The following TP53BP1 variants were observed in gnomAD, a reference collection of about 807,000 sequenced individuals.
TP53BP1 encodes the protein TP53-binding protein 1.
Under a neutral mutation model 200.8 loss-of-function variants are expected in TP53BP1, and 61 were observed. The observed-to-expected ratio is 0.30, with a 90% CI of 0.25 to 0.38. The LOEUF is 0.38. Ranked by LOEUF, TP53BP1 falls within the 10% of genes least tolerant of loss-of-function variation. The pLI is 1.00. For missense variants in TP53BP1, 2,144 were observed against 2,371.9 expected (o/e 0.90, Z 2.00); for synonymous variants, 822 against 844.3 (o/e 0.97, Z 0.46).
intron 19 of TP53BP1, 127 bp from the exon 20 acceptor site, chr15:43,421,301 T>G: frequency 1.0e-6 from 1 of 956,578 alleles, no homozygotes; most frequent in Non-Finnish European, 1.6e-6. Flanking sequence ...AGCAGGAAGC[T>G]GGTTCACACA....
chr15:43,434,994 C>G (rs1013567698), intron 16 of TP53BP1, among the ~76,000 whole-genome samples: 2 of 152,152 alleles, frequency 1.3e-5, no homozygotes, highest in African/African-American at 4.8e-5. Flanking sequence ...GGCACAGTGG[C>G]TCACACCAGT....
chr15:43,469,882 GATAGGA>G lies in TP53BP1; in HGVS notation c.1359_1364del (p.Ile455_Pro456del), dbSNP rs2046681735. On this transcript the variant is annotated inframe_deletion, in exon 11 of 28. Transcript: ENST00000382044. ...CATGAGAAAACTGAGGCTGGGATGG[GATAGGA>G]AGTGACCCAGGAGGGAAGACTGGTG... 1 of 1,585,438 alleles carries G rather than the reference GATAGGA, an allele frequency of 6.3e-7. No homozygotes were observed. The highest frequency in any genetic ancestry group is 1.7e-5 in the Admixed American group (1 of 59,578).
chr15:43,486,340 C>T (rs1446430598), intron 4 of TP53BP1, among the ~76,000 whole-genome samples: 2 of 152,152 alleles, frequency 1.3e-5, no homozygotes, highest in Non-Finnish European at 2.9e-5. Flanking sequence ...CATGCCATTG[C>T]ACTCTGCCTG....
Position 43,406,700 on chromosome 15 carries a change from T to C in TP53BP1, c.*683A>G. 2.7e-6 allele frequency: 1 copy of C among 373,618 alleles called. No homozygotes were observed. Among genetic ancestry groups the C allele is most frequent in the Admixed American group, 3.1e-5 (1 of 31,832 alleles). 23.1% of individuals were successfully genotyped at this position (373,618 alleles called of 1,614,324 possible). A position where few individuals can be genotyped will look rare whatever the true frequency, so the allele number is the denominator to read the frequency against. On this transcript the variant is annotated 3_prime_UTR_variant, in exon 28 of 28. Transcript: ENST00000382044. ...GAACTGCTTCCAGCTATTGTGACAA[T>C]AATAATAATAATAATATTGGGTCTT...
At chr15:43,409,384 G>T (rs1263538547) in intron 25 of TP53BP1, 1 of 557,272 alleles carries the variant, frequency 1.8e-6, no homozygotes, top group Non-Finnish European at 3.2e-6. Context: ...CCTAATAGGG[G>T]TTTCTACTAC....
intron 12 of TP53BP1, among the ~76,000 whole-genome samples, chr15:43,455,625 C>A (rs2046274267): frequency 1.3e-5 from 2 of 151,624 alleles, no homozygotes; most frequent in Non-Finnish European, 2.9e-5. Context: ...GAGGCTGAGG[C>A]ACGAGAAATC....
At position 43,421,904 on chromosome 15, in the gene TP53BP1, G is replaced by A. The variant is rs1235139243; in HGVS notation, c.4051C>T (p.Pro1351Ser). Residue 1351 changes from proline to serine, a missense_variant, in exon 19 of 28, where the codon CCC (proline) becomes TCC (serine). Around this residue, in one of 4 missense-constraint regions of TP53BP1, gnomAD observed 1,700 missense variants for 1,710.3 expected, o/e 0.99. Coordinates refer to ENST00000382044, the MANE Select transcript of TP53BP1 (RefSeq NM_001141980.3). ...GAGCTGGGTAAGGCAAAATCTGCGGGTTCTGTCCCGCTGGTTTTCCCTCTG... is the reference window on the plus strand; with the variant it reads ...GAGCTGGGTAAGGCAAAATCTGCGGATTCTGTCCCGCTGGTTTTCCCTCTG... ...PLRGKTSGTE[P>S]ADFALPSSRG... is the part of the protein sequence containing the mutation. 13 of 1,614,086 alleles carry A rather than the reference G, an allele frequency of 8.1e-6. No individual in the cohort carries two copies. Among genetic ancestry groups the A allele is most frequent in the Non-Finnish European group, 9.3e-6 (11 of 1,180,046 alleles).
At chr15:43,415,304 G>A (rs149804308) in intron 23 of TP53BP1, 604 of 452,306 alleles carry the variant, frequency 1.3e-3, no homozygotes, top group Non-Finnish European at 1.8e-3. Flanking sequence ...GCCTTCCTGG[G>A]TTCAAGCGAT....
Position 43,409,675 on chromosome 15 carries a change from T to C in TP53BP1, c.5372A>G (p.Tyr1791Cys), listed in dbSNP as rs746921977. 12 of 1,572,750 alleles carry C rather than the reference T, an allele frequency of 7.6e-6. No individual in the cohort carries two copies. The highest frequency in any genetic ancestry group is 1.2e-5 in the South Asian group (1 of 83,244). The change falls in exon 25 of 28, where the codon TAT (tyrosine) becomes TGT (cysteine). Residue 1791 changes from tyrosine (Y) to cysteine (C), a missense_variant. Tyr to Cys is a radical substitution (Grantham distance 194). Around this residue, in one of 4 missense-constraint regions of TP53BP1, gnomAD observed 334 missense variants for 453.4 expected, o/e 0.74. Transcript: ENST00000382044. ...GGCTTCATTGAAATCTTCAAGGATA[T>C]AGCCAGCTCCTGCTCGAAGCTGGGA... ...TESQLRAGAG[Y>C]ILEDFNEAQC...
Position 43,421,877 on chromosome 15 carries a change from G to A in TP53BP1, c.4078C>T (p.Arg1360Ter), listed in dbSNP as rs773155828. 2 of 1,614,142 alleles carry A rather than the reference G, an allele frequency of 1.2e-6. No homozygotes were observed. Among genetic ancestry groups the A allele is most frequent in the African/African-American group, 1.3e-5 (1 of 75,032 alleles). The change falls in exon 19 of 28, where the codon CGA becomes TGA. Residue 1360 changes from arginine to a stop codon, truncating the protein, a stop_gained. Coordinates refer to ENST00000382044, the MANE Select transcript of TP53BP1 (RefSeq NM_001141980.3). LOFTEE classifies it high-confidence loss of function. ...EPADFALPSS[R>*]GGPGKLSPRK... ...CACCTCAGTTTTCCTGGGCCTCCTC[G>A]GGAGCTGGGTAAGGCAAAATCTGCG... is the stretch of plus-strand genomic sequence containing the variant.
chr15:43,496,906 C>T (rs1043907787), upstream of TP53BP1, among the ~76,000 whole-genome samples: 7 of 152,188 alleles, frequency 4.6e-5, no homozygotes, highest in Admixed American at 4.6e-4. Context: ...CAGGCATGAG[C>T]CATAGTGCCC....
chr15:43,420,214 A>G, intron 21 of TP53BP1, 91 bp downstream of exon 21: 1 of 1,265,928 alleles, frequency 7.9e-7, no homozygotes, highest in Non-Finnish European at 1.1e-6. Context: ...CTGGAAAAGT[A>G]CCAAGTAATG....
chr15:43,492,668 A>C (rs572130695), intron 1 of TP53BP1, among the ~76,000 whole-genome samples, 200 bp from the exon 2 acceptor site: 1 of 152,194 alleles, frequency 6.6e-6, no homozygotes, highest in African/African-American at 2.4e-5. Context: ...CGTTATTTAC[A>C]ATAAGCCTGA....
chr15:43,409,420 G>T, intron 25 of TP53BP1: 1 of 535,408 alleles, frequency 1.9e-6, no homozygotes, highest in South Asian at 3.1e-5. Context: ...ATCTTCTTTT[G>T]TCCCAGCAAC....
intron 1 of TP53BP1, among the ~76,000 whole-genome samples, chr15:43,502,990 C>T (rs369527984): frequency 2.0e-5 from 3 of 151,508 alleles, no homozygotes; most frequent in East Asian, 1.9e-4. Flanking sequence ...TGGACTCAAG[C>T]GATCAACCCG....
At chr15:43,454,217 A>G (rs2046240089) in intron 12 of TP53BP1, among the ~76,000 whole-genome samples, 1 of 152,002 alleles carries the variant, frequency 6.6e-6, no homozygotes, top group Non-Finnish European at 1.5e-5. Flanking sequence ...AAAAAAAGGG[A>G]CTGTTCTACG....
At chr15:43,451,783 T>C (rs1160814143) in intron 12 of TP53BP1, among the ~76,000 whole-genome samples, 2 of 152,370 alleles carry the variant, frequency 1.3e-5, no homozygotes, top group East Asian at 3.9e-4. Context: ...ATGGTTGAAC[T>C]AGTTTACAGT....
intron 1 of TP53BP1, among the ~76,000 whole-genome samples, chr15:43,509,427 G>C (rs1273810623): frequency 2.0e-5 from 3 of 152,054 alleles, no homozygotes; most frequent in Non-Finnish European, 4.4e-5. Context: ...GTTTTGTTTT[G>C]AAACAGAGTC....
chr15:43,459,813 G>C (rs564184437), intron 11 of TP53BP1, among the ~76,000 whole-genome samples: 1 of 152,110 alleles, frequency 6.6e-6, no homozygotes, highest in Non-Finnish European at 1.5e-5. Flanking sequence ...ATACAGGTGG[G>C]CGCCACAACA....
Sources: allele counts gnomAD v4.1 joint callset (sites outside exome capture counted in the v4.1 genomes callset), GRCh38; gene constraint gnomAD v4.1.1; regional missense constraint gnomAD v4.1.1; transcripts MANE v1.5; gene names NCBI Gene and HGNC (gene_info 2026-07-23, HGNC 2026-07-21).